MARCHF1: variants seen among roughly 807,000 people sequenced by gnomAD.
MARCHF1 encodes the protein membrane associated ring-CH-type finger 1.
MARCHF1 carries 40 observed loss-of-function variants against 54.2 expected under a neutral mutation model. The ratio of observed to expected loss-of-function variants is 0.74; its 90% CI spans 0.57 to 0.96. The LOEUF is 0.96. Ranked by LOEUF, MARCHF1 falls within the 40% of genes least tolerant of loss-of-function variation. MARCHF1 has a pLI of 0.00. For synonymous variants in MARCHF1, 236 were observed against 236.3 expected, an observed-to-expected ratio of 1.00 and a Z score of 0.01; for missense variants, 586 against 656.5, an observed-to-expected ratio of 0.89 and a Z score of 1.17.
At chr4:164,201,334 C>T (rs1731448056) in intron 1 of MARCHF1, among the ~76,000 whole-genome samples, 1 of 152,200 alleles carries the variant, frequency 6.6e-6, no homozygotes, top group East Asian at 1.9e-4. Flanking sequence ...ATTCTCCTGC[C>T]TCAGCCTCCC....
chr4:163,740,514 A>G (rs1746165324), intron 4 of MARCHF1, among the ~76,000 whole-genome samples: 1 of 152,194 alleles, frequency 6.6e-6, no homozygotes. Flanking sequence ...GCAATAGGGT[A>G]CAGGGCCAGG....
chr4:163,903,744 T>C (rs1020737230), intron 3 of MARCHF1, among the ~76,000 whole-genome samples: 4 of 151,844 alleles, frequency 2.6e-5, no homozygotes, highest in African/African-American at 9.7e-5. Flanking sequence ...ACAAGTAGCT[T>C]GGACTATAAG....
chr4:164,218,966 TGAAA>T (rs1467594421), intron 1 of MARCHF1, among the ~76,000 whole-genome samples: 17 of 152,296 alleles, frequency 1.1e-4, no homozygotes, highest in Admixed American at 2.0e-4. Flanking sequence ...CCCAGGAGGC[TGAAA>T]TACCCAAGGA....
At chr4:163,531,547 G>A (rs754199096) in intron 9 of MARCHF1, among the ~76,000 whole-genome samples, 2 of 151,840 alleles carry the variant, frequency 1.3e-5, no homozygotes, top group Non-Finnish European at 2.9e-5. Flanking sequence ...AGACAAGGAT[G>A]TTCCTTCTTA....
At chr4:163,742,463 T>C (rs539490882) in intron 4 of MARCHF1, among the ~76,000 whole-genome samples, 24 of 150,160 alleles carry the variant, frequency 1.6e-4, no homozygotes, top group Non-Finnish European at 3.4e-4. Flanking sequence ...TTCACTCTTC[T>C]TTTCTCCTTT....
intron 1 of MARCHF1, among the ~76,000 whole-genome samples, chr4:164,261,753 C>T (rs1023146164): frequency 6.6e-6 from 1 of 152,148 alleles, no homozygotes; most frequent in African/African-American, 2.4e-5. Flanking sequence ...GCCTTCTTTA[C>T]ACACTGTATT....
intron 1 of MARCHF1, among the ~76,000 whole-genome samples, chr4:164,160,353 A>G (rs11935658): frequency 0.19 from 29,020 of 151,996 alleles, 4,418 homozygotes; most frequent in African/African-American, 0.41. Context: ...ACTGAATGCT[A>G]TAGGCAACTG....
rs530799338 is a variant in MARCHF1, at chr4:163,767,098, T to TAAAAAA, written c.112-66241_112-66236dup. Among the ~76,000 whole-genome samples the TAAAAAA allele has an allele frequency of 1.5e-4, 16 of 106,676 alleles. 1 individual carries two copies. The highest frequency in any genetic ancestry group is 5.1e-4 in the Admixed American group (5 of 9,760). The allele number at this position is 106,676 out of a possible 152,430, so 70.0% of individuals were successfully genotyped here. ...TTTTTCAGATAAGGATACGGCGATGTAAAAAAAAAAAAAAAAAAAAAAGTC... is the reference window on the plus strand; with the variant it reads ...TTTTTCAGATAAGGATACGGCGATGTAAAAAAAAAAAAAAAAAAAAAAAAAAAAGTC... On this transcript the variant is annotated intron_variant, in intron 4 of 9. Transcript: ENST00000514618.
At chr4:163,762,315 T>G (rs1746850550) in intron 4 of MARCHF1, among the ~76,000 whole-genome samples, 2 of 152,162 alleles carry the variant, frequency 1.3e-5, no homozygotes, top group Non-Finnish European at 2.9e-5. Context: ...TAACAATTGG[T>G]GAAGTGTTAC....
intron 4 of MARCHF1, among the ~76,000 whole-genome samples, chr4:163,800,447 A>G (rs1214550713): frequency 1.3e-5 from 2 of 151,978 alleles, no homozygotes; most frequent in Non-Finnish European, 2.9e-5. Flanking sequence ...TATCTAATGT[A>G]TAATTCCAAA....
At chr4:163,578,700 G>A (rs1013663540) in intron 8 of MARCHF1, among the ~76,000 whole-genome samples, 9 of 152,076 alleles carry the variant, frequency 5.9e-5, no homozygotes, top group Non-Finnish European at 1.3e-4. Flanking sequence ...AGCACATGAT[G>A]GTGTCCAGCT....
At chr4:163,632,628 G>A (rs1579133998) in intron 5 of MARCHF1, among the ~76,000 whole-genome samples, 2 of 152,204 alleles carry the variant, frequency 1.3e-5, no homozygotes, top group East Asian at 3.9e-4. Context: ...TGTTAGCACA[G>A]CAGTCTGAGA....
intron 4 of MARCHF1, among the ~76,000 whole-genome samples, chr4:163,723,732 C>G (rs533275553): frequency 3.9e-5 from 6 of 152,106 alleles, no homozygotes; most frequent in Non-Finnish European, 8.8e-5. Context: ...TCTTTTTACT[C>G]TTTTTTCTCT....
chr4:163,637,400 GA>G (rs1012717484), intron 5 of MARCHF1, among the ~76,000 whole-genome samples: 2 of 151,602 alleles, frequency 1.3e-5, no homozygotes, highest in African/African-American at 4.8e-5. Context: ...AAATTTACAA[GA>G]AAAAAACAAC....
intron 4 of MARCHF1, among the ~76,000 whole-genome samples, chr4:163,733,203 A>ATATACACATG (rs1745911683): frequency 2.6e-5 from 1 of 37,862 alleles, no homozygotes. Context: ...ATATATATAT[A>ATATACACATG]TATATATATA....
chr4:164,129,660 T>C (rs1756260052), intron 1 of MARCHF1, among the ~76,000 whole-genome samples: 2 of 151,516 alleles, frequency 1.3e-5, no homozygotes, highest in Admixed American at 1.3e-4. Context: ...GTGTAGATTG[T>C]TTCCCATAGT....
intron 5 of MARCHF1, among the ~76,000 whole-genome samples, chr4:163,617,649 ATGT>A (rs1482022573): frequency 1.3e-5 from 2 of 152,154 alleles, no homozygotes; most frequent in Admixed American, 1.3e-4. Flanking sequence ...GCAGTATATA[ATGT>A]TGTTAAATTA....
In MARCHF1 at chr4:163,756,844, G is replaced by C. The variant is rs142073882; in HGVS notation, c.112-55981C>G. On this transcript the variant is annotated intron_variant, in intron 4 of 9. Coordinates refer to ENST00000514618, the MANE Select transcript of MARCHF1 (RefSeq NM_001394959.1). ...TTTGTTTAGAATTCTGATATTTTGTGATATGTCTAAAGAAAAAGCAGAAAT... is the reference window on the plus strand; with the variant it reads ...TTTGTTTAGAATTCTGATATTTTGTCATATGTCTAAAGAAAAAGCAGAAAT... 3.7e-3 allele frequency among the ~76,000 whole-genome samples: 561 copies of C among 151,994 alleles called. 6 individuals carry two copies. The highest frequency in any genetic ancestry group is 0.013 in the African/African-American group (529 of 41,464).
intron 2 of MARCHF1, among the ~76,000 whole-genome samples, chr4:163,998,987 T>C (rs573529855): frequency 2.2e-4 from 33 of 151,804 alleles, no homozygotes; most frequent in African/African-American, 7.7e-4. Flanking sequence ...TGCTAGATCA[T>C]ATGGTAGTTA....
Sources: gnomAD v4.1 joint callset for allele counts (sites outside exome capture counted in the v4.1 genomes callset) on GRCh38, gnomAD v4.1.1 for gene constraint, MANE v1.5 for transcripts, NCBI Gene and HGNC (gene_info 2026-07-23, HGNC 2026-07-21) for gene names.